HOTAIR: variants seen among roughly 807,000 people sequenced by gnomAD.
HOTAIR encodes the protein HOX transcript antisense RNA, also known as HOX transcript antisense RNA (non-protein coding).
chr12:53,962,865 G>T (rs571012711), exon 7 of HOTAIR: 18 of 152,292 alleles, frequency 1.2e-4, no homozygotes, highest in African/African-American at 4.1e-4. Context: ...CCCGTTTGCA[G>T]CAGGGTCCCA....
intron 1 of HOTAIR, among the ~76,000 whole-genome samples, chr12:53,969,578 A>C (rs1210123928): frequency 1.3e-5 from 2 of 152,140 alleles, no homozygotes; most frequent in Non-Finnish European, 2.9e-5. Flanking sequence ...TAAACCACTG[A>C]CCTGAAAATC....
At chr12:53,964,873 CT>C (rs1939022826) in intron 5 of HOTAIR, among the ~76,000 whole-genome samples, 1 of 152,266 alleles carries the variant, frequency 6.6e-6, no homozygotes, top group Non-Finnish European at 1.5e-5. Context: ...TTGAATGCCC[CT>C]GATTTAGTTT....
chr12:53,974,342 A>G (rs1592196475), intron 1 of HOTAIR, among the ~76,000 whole-genome samples: 1 of 129,994 alleles, frequency 7.7e-6, no homozygotes. Flanking sequence ...GAGAAAGGGG[A>G]GGGCGAGGGA....
chr12:53,963,900 C>T (rs1424795327), exon 7 of HOTAIR: 1 of 152,256 alleles, frequency 6.6e-6, no homozygotes, highest in African/African-American at 2.4e-5. Flanking sequence ...CATGGAACAC[C>T]AAATCAGATT....
exon 7 of HOTAIR, chr12:53,963,346 A>G (rs1938988543): frequency 6.6e-6 from 1 of 152,002 alleles, no homozygotes; most frequent in Admixed American, 6.6e-5. Flanking sequence ...CACACTCCCA[A>G]CCCCTTTGGG....
At chr12:53,967,637 C>T (rs953387604) in intron 2 of HOTAIR, among the ~76,000 whole-genome samples, 6 of 152,100 alleles carry the variant, frequency 3.9e-5, no homozygotes, top group African/African-American at 7.2e-5. Flanking sequence ...ATCTAGAGTT[C>T]GGTGGATAGT....
At position 53,973,871 on chromosome 12, in the gene HOTAIR, G is replaced by C. The variant is rs1179009229; in HGVS notation, n.59+1027C>G. The C allele has an allele frequency of 2.0e-6, 3 of 1,466,964 alleles. No individual in the cohort carries two copies. Among genetic ancestry groups the C allele is most frequent in the Non-Finnish European group, 1.8e-6 (2 of 1,111,444 alleles). 90.9% of individuals were successfully genotyped at this position (1,466,964 alleles called of 1,614,324 possible). A position where few individuals can be genotyped will look rare whatever the true frequency, so the allele number is the denominator to read the frequency against. ...AGGAGGAGAACACAAATCCCAGCTC[G>C]TCCGGTTCAGCCCACTCCGTGGCCA... On this transcript the variant is annotated intron_variant and non_coding_transcript_variant, in intron 1 of 6. Transcript: ENST00000424518. The surrounding 1 kb of genome is among the most constrained non-coding windows in gnomAD (Gnocchi z 4.3).
At position 53,973,392 on chromosome 12, in the gene HOTAIR, C is replaced by T; in HGVS notation, n.59+1506G>A. The T allele has an allele frequency of 6.2e-7, 1 of 1,614,246 alleles. No homozygotes were observed. The highest frequency in any genetic ancestry group is 1.1e-5 in the South Asian group (1 of 91,090). On this transcript the variant is annotated intron_variant and non_coding_transcript_variant, in intron 1 of 6. Coordinates refer to ENST00000424518, the Ensembl canonical transcript of HOTAIR. The surrounding 1 kb of genome is among the most constrained non-coding windows in gnomAD (Gnocchi z 4.3). ...CGAGTTCTCCACGGTCTCCTCCTTC[C>T]TGCCCCAGGCCCCCTCTCGTCAGAT...
chr12:53,966,851 C>G (rs1480780791), intron 3 of HOTAIR, among the ~76,000 whole-genome samples: 2 of 152,210 alleles, frequency 1.3e-5, no homozygotes, highest in Non-Finnish European at 1.5e-5. Context: ...GAAAGAGCCC[C>G]GTATCCGCCG....
intron 5 of HOTAIR, among the ~76,000 whole-genome samples, chr12:53,964,772 C>T (rs1939020761): frequency 6.6e-6 from 1 of 152,158 alleles, no homozygotes; most frequent in South Asian, 2.1e-4. Context: ...TCACCCTAAG[C>T]CCTACAAAAT....
In HOTAIR at chr12:53,973,112, C is replaced by G. The variant is rs1182135543; in HGVS notation, n.59+1786G>C. On this transcript the variant is annotated intron_variant and non_coding_transcript_variant, in intron 1 of 6. Coordinates refer to ENST00000424518, the Ensembl canonical transcript of HOTAIR. This position sits in a 1 kb window ranked among gnomAD's most constrained non-coding sequence, Gnocchi z 4.3. ...GCTCCGAACTGATATATGACAATAT[C>G]TACTTTGGATCACGTGCTCAGAGAG... 2 of 684,524 alleles carry G rather than the reference C, an allele frequency of 2.9e-6. No homozygotes were observed. Among genetic ancestry groups the G allele is most frequent in the East Asian group, 5.5e-5 (2 of 36,300 alleles). 42.4% of individuals were successfully genotyped at this position (684,524 alleles called of 1,614,324 possible). A position where few individuals can be genotyped will look rare whatever the true frequency, so the allele number is the denominator to read the frequency against.
chr12:53,971,299 G>A (rs182507173), intron 1 of HOTAIR, among the ~76,000 whole-genome samples: 19 of 152,284 alleles, frequency 1.2e-4, no homozygotes, highest in African/African-American at 2.4e-4. Flanking sequence ...CATTGAGTGC[G>A]TAGAGGGGCA....
Position 53,973,432 on chromosome 12 carries a change from C to T in HOTAIR, n.59+1466G>A, listed in dbSNP as rs201705157. 33 of 1,614,204 alleles carry T rather than the reference C, an allele frequency of 2.0e-5. No homozygotes were observed. In the East Asian group the frequency reaches 4.0e-4, roughly 20 times the overall value. ...TCTCGTCAGATCTCCTATCCCTACT[C>T]GGCCCAAGTGCCCCCGGTCCGGGAG... On this transcript the variant is annotated intron_variant and non_coding_transcript_variant, in intron 1 of 6. Coordinates refer to ENST00000424518, the Ensembl canonical transcript of HOTAIR. The surrounding 1 kb of genome is among the most constrained non-coding windows in gnomAD (Gnocchi z 4.3).
chr12:53,974,327 A>C (rs1189134591), intron 1 of HOTAIR, among the ~76,000 whole-genome samples: 1 of 47,076 alleles, frequency 2.1e-5, no homozygotes, highest in Non-Finnish European at 4.3e-5. Flanking sequence ...GGAGGGGTGG[A>C]GGGGGAGAAA....
At chr12:53,971,065 T>C (rs531946817) in intron 1 of HOTAIR, among the ~76,000 whole-genome samples, 2 of 152,280 alleles carry the variant, frequency 1.3e-5, no homozygotes, top group Admixed American at 1.3e-4. Flanking sequence ...ATGAGGTCAG[T>C]GTGAACCCCA....
At chr12:53,967,943 G>A (rs1939084951) in intron 2 of HOTAIR, 1 of 152,186 alleles carries the variant, frequency 6.6e-6, no homozygotes, top group African/African-American at 2.4e-5. Flanking sequence ...GAGTAAGCCT[G>A]GGAAGGTATC....
chr12:53,973,448 G>C lies in HOTAIR; in HGVS notation n.59+1450C>G. On this transcript the variant is annotated intron_variant and non_coding_transcript_variant, in intron 1 of 6. Transcript: ENST00000424518. The surrounding 1 kb of genome is among the most constrained non-coding windows in gnomAD (Gnocchi z 4.3). The stretch of plus-strand genomic sequence containing the variant: ...ATCCCTACTCGGCCCAAGTGCCCCC[G>C]GTCCGGGAGGTCTCCTACGGCCTGG... 6.2e-7 allele frequency: 1 copy of C among 1,613,964 alleles called. No individual in the cohort carries two copies. Among genetic ancestry groups the C allele is most frequent in the Non-Finnish European group, 8.5e-7 (1 of 1,179,992 alleles).
intron 1 of HOTAIR, among the ~76,000 whole-genome samples, chr12:53,972,406 G>A (rs1939162463): frequency 6.6e-6 from 1 of 152,164 alleles, no homozygotes; most frequent in Non-Finnish European, 1.5e-5. Flanking sequence ...CCCAGACTTC[G>A]CCAGGCACCG....
intron 1 of HOTAIR, among the ~76,000 whole-genome samples, chr12:53,970,167 C>T (rs769806063): frequency 2.0e-5 from 3 of 152,162 alleles, no homozygotes; most frequent in African/African-American, 2.4e-5. Context: ...GCCGGATGGC[C>T]CTGCTGCAGA....
Sources: gnomAD v4.1 joint callset for allele counts (sites outside exome capture counted in the v4.1 genomes callset) on GRCh38, gnomAD v4.1.1 for gene constraint, Gnocchi (gnomAD v3.1) non-coding constraint, MANE v1.5 for transcripts, NCBI Gene and HGNC (gene_info 2026-07-23, HGNC 2026-07-21) for gene names.